PPM1D: variants seen among roughly 807,000 people sequenced by gnomAD.
PPM1D encodes the protein protein phosphatase, Mg2+/Mn2+ dependent 1D.
Under a neutral mutation model 58.3 loss-of-function variants are expected in PPM1D, and 52 were observed. The ratio of observed to expected loss-of-function variants is 0.89; its 90% CI spans 0.71 to 1.12. PPM1D has a LOEUF of 1.12. Ranked by LOEUF, PPM1D falls within the 50% of genes most tolerant of loss-of-function variation. The pLI is 0.00. For synonymous variants in PPM1D, 278 were observed against 285.1 expected (o/e 0.98, Z 0.25); for missense variants, 564 against 777.2 (o/e 0.73, Z 3.26).
intron 1 of PPM1D, among the ~76,000 whole-genome samples, chr17:60,604,993 AT>A (rs533823038): frequency 4.0e-5 from 6 of 151,524 alleles, no homozygotes; most frequent in African/African-American, 1.2e-4. Context: ...TAATTTTTGT[AT>A]TTTTTTTAGC....
intron 2 of PPM1D, 56 bp from the exon 3 acceptor site, chr17:60,633,797 T>C: frequency 6.9e-7 from 1 of 1,443,856 alleles, no homozygotes; most frequent in Non-Finnish European, 9.5e-7. Flanking sequence ...TACTGAGCTA[T>C]CTTAGTTGTT....
At chr17:60,624,590 C>T (rs2030768573) in intron 2 of PPM1D, among the ~76,000 whole-genome samples, 1 of 151,910 alleles carries the variant, frequency 6.6e-6, no homozygotes, top group Non-Finnish European at 1.5e-5. Flanking sequence ...AGTTCGAGAC[C>T]AGCCTGACCA....
chr17:60,626,546 C>T (rs2030813187), intron 2 of PPM1D, among the ~76,000 whole-genome samples: 1 of 151,888 alleles, frequency 6.6e-6, no homozygotes, highest in Admixed American at 6.6e-5. Context: ...AGGCGCCTGC[C>T]ACCACGCCCG....
intron 2 of PPM1D, among the ~76,000 whole-genome samples, chr17:60,624,937 C>A (rs936838983): frequency 3.3e-5 from 5 of 152,016 alleles, no homozygotes. Flanking sequence ...CTCAGGAGTT[C>A]GAGACCAGCT....
At chr17:60,614,983 A>G (rs903488699) in intron 1 of PPM1D, among the ~76,000 whole-genome samples, 2 of 152,196 alleles carry the variant, frequency 1.3e-5, no homozygotes, top group Non-Finnish European at 2.9e-5. Flanking sequence ...TGGACACATT[A>G]CTACCTTTGT....
intron 1 of PPM1D, chr17:60,604,894 C>G (rs931793644): frequency 2.6e-5 from 4 of 152,284 alleles, no homozygotes; most frequent in East Asian, 3.8e-4. Flanking sequence ...TTTCAGCTCA[C>G]TGCAACCTCC....
chr17:60,608,218 T>C (rs2030373920), intron 1 of PPM1D, among the ~76,000 whole-genome samples: 1 of 152,218 alleles, frequency 6.6e-6, no homozygotes. Context: ...AGAATTGATA[T>C]CACTTAGAGA....
At chr17:60,620,481 ATG>A (rs1708426343) in intron 1 of PPM1D, among the ~76,000 whole-genome samples, 1 of 151,536 alleles carries the variant, frequency 6.6e-6, no homozygotes, top group Non-Finnish European at 1.5e-5. Flanking sequence ...TTTTAGTTTG[ATG>A]TAGCCCAACT....
intron 4 of PPM1D, among the ~76,000 whole-genome samples, chr17:60,652,183 C>G (rs1260041060): frequency 6.6e-6 from 1 of 151,592 alleles, no homozygotes; most frequent in Non-Finnish European, 1.5e-5. Context: ...AACCACAATT[C>G]TACTCTCTCT....
intron 5 of PPM1D, among the ~76,000 whole-genome samples, chr17:60,661,602 A>G (rs764685477): frequency 7.2e-5 from 11 of 152,166 alleles, no homozygotes; most frequent in Non-Finnish European, 1.3e-4. Flanking sequence ...TGAAAACAGC[A>G]TTTTTAAAAA....
chr17:60,601,503 A>G (rs139866705), intron 1 of PPM1D, among the ~76,000 whole-genome samples: 6 of 152,370 alleles, frequency 3.9e-5, no homozygotes, highest in Admixed American at 2.6e-4. Flanking sequence ...TGTACTGCTT[A>G]TGAAAACTAA....
At chr17:60,655,393 G>GAGT (rs2031418605) in intron 4 of PPM1D, among the ~76,000 whole-genome samples, 2 of 152,248 alleles carry the variant, frequency 1.3e-5, no homozygotes, top group South Asian at 4.1e-4. Flanking sequence ...CTGTCGCCCA[G>GAGT]GCGGGAGTGC....
At chr17:60,654,794 G>A (rs938726625) in intron 4 of PPM1D, among the ~76,000 whole-genome samples, 1 of 151,478 alleles carries the variant, frequency 6.6e-6, no homozygotes, top group African/African-American at 2.4e-5. Context: ...CTTGAACCTG[G>A]GAGGCGGAAG....
intron 4 of PPM1D, among the ~76,000 whole-genome samples, chr17:60,652,564 T>G (rs1309354335): frequency 2.0e-5 from 3 of 146,972 alleles, no homozygotes; most frequent in Admixed American, 6.8e-5. Flanking sequence ...TTTTTTTTTT[T>G]TTTTTTTTTT....
At chr17:60,603,493 G>A (rs547414406) in intron 1 of PPM1D, among the ~76,000 whole-genome samples, 10 of 152,226 alleles carry the variant, frequency 6.6e-5, no homozygotes, top group Non-Finnish European at 1.3e-4. Flanking sequence ...CTGAATGGCC[G>A]GGCGCACGCC....
At chr17:60,626,680 C>G (rs2030817198) in intron 2 of PPM1D, among the ~76,000 whole-genome samples, 1 of 151,998 alleles carries the variant, frequency 6.6e-6, no homozygotes, top group Non-Finnish European at 1.5e-5. Context: ...AGGCGTGAGC[C>G]ACTGCACCCG....
intron 2 of PPM1D, among the ~76,000 whole-genome samples, chr17:60,624,262 TAAATG>T (rs1037857494): frequency 7.2e-5 from 11 of 152,158 alleles, no homozygotes; most frequent in East Asian, 1.9e-4. Context: ...GATTCAAACT[TAAATG>T]AAAGATTATT....
Position 60,656,745 on chromosome 17 carries a change from A to C in PPM1D, c.1164A>C (p.Glu388Asp), listed in dbSNP as rs1480168452. The part of the protein sequence containing the change: ...EVDNQGNFTN[E>D]DELYLNLTDS... The stretch of plus-strand genomic sequence containing the variant: ...ACAATCAGGGAAACTTTACCAATGA[A>C]GATGAGTTATACCTGAACCTGACTG... The change falls in exon 5 of 6, where the codon GAA becomes GAC. Residue 388 changes from glutamate (E) to aspartate (D), a missense_variant. This residue lies in a region of PPM1D where 261 missense variants were observed against 270.1 expected (regional missense o/e 0.97). Transcript: ENST00000305921. 1 of 1,614,134 alleles carries C rather than the reference A, an allele frequency of 6.2e-7. No individual in the cohort carries two copies. Among genetic ancestry groups the C allele is most frequent in the Non-Finnish European group, 8.5e-7 (1 of 1,180,058 alleles).
intron 1 of PPM1D, among the ~76,000 whole-genome samples, chr17:60,603,392 T>G (rs1033901685): frequency 3.9e-5 from 6 of 152,126 alleles, no homozygotes; most frequent in Non-Finnish European, 7.4e-5. Context: ...GAAAAAACAC[T>G]TTTTTCCCCA....
Sources: gnomAD v4.1 joint callset for allele counts (sites outside exome capture counted in the v4.1 genomes callset) on GRCh38, gnomAD v4.1.1 for gene constraint, gnomAD v4.1.1 regional missense constraint, MANE v1.5 for transcripts, NCBI Gene and HGNC (gene_info 2026-07-23, HGNC 2026-07-21) for gene names.